TNKS1BP1: variants seen among roughly 807,000 people sequenced by gnomAD.
TNKS1BP1 encodes 182 kDa tankyrase-1-binding protein.
TNKS1BP1 carries 48 observed loss-of-function variants against 141.1 expected under a neutral mutation model. The observed-to-expected ratio is 0.34, with a 90% CI of 0.27 to 0.43. The LOEUF (loss-of-function observed/expected upper bound fraction) is 0.43. TNKS1BP1 is among the 20% of genes least tolerant of loss of function. The pLI is 1.00. For synonymous variants in TNKS1BP1, 875 were observed against 898.2 expected, an observed-to-expected ratio of 0.97 and a Z score of 0.46; for missense variants, 2,149 against 2,226.0, an observed-to-expected ratio of 0.97 and a Z score of 0.70.
chr11:57,310,787 T>C (rs1381961199), intron 5 of TNKS1BP1, among the ~76,000 whole-genome samples: 2 of 152,144 alleles, frequency 1.3e-5, no homozygotes, highest in Non-Finnish European at 2.9e-5. Flanking sequence ...AATGAGATCA[T>C]TTAGACCAAG....
In TNKS1BP1 at chr11:57,313,598, C is replaced by T. The variant is rs932771320; in HGVS notation, c.1090G>A (p.Ala364Thr). Residue 364 changes from alanine to threonine, a missense_variant, in exon 5 of 12, where the codon GCC (alanine) becomes ACC (threonine). Coordinates refer to ENST00000358252, the MANE Select transcript of TNKS1BP1 (RefSeq NM_033396.3). The part of the protein sequence containing the change: ...PGLPAEGAPE[A>T]PRPSSPPPEV... Reference sequence around the variant, plus strand: ...GGGGGTGGGCTGCTGGGTCTGGGGGCCTCTGGAGCCCCCTCGGCAGGGAGC... The same window carrying T: ...GGGGGTGGGCTGCTGGGTCTGGGGGTCTCTGGAGCCCCCTCGGCAGGGAGC... 1.3e-6 allele frequency: 2 copies of T among 1,595,228 alleles called. No homozygotes were observed. Among genetic ancestry groups the T allele is most frequent in the East Asian group, 2.3e-5 (1 of 44,330 alleles).
At chr11:57,323,817 G>GTGGT (rs1330867053) in intron 1 of TNKS1BP1, among the ~76,000 whole-genome samples, 3 of 152,204 alleles carry the variant, frequency 2.0e-5, no homozygotes, top group Non-Finnish European at 1.5e-5. Flanking sequence ...CATAGTGTGG[G>GTGGT]TGGTTGGAGA....
At chr11:57,317,915 A>G (rs1479287162) in intron 3 of TNKS1BP1, 28 bp from the exon 4 acceptor site, 8 of 1,608,094 alleles carry the variant, frequency 5.0e-6, no homozygotes, top group Admixed American at 1.7e-5. Flanking sequence ...AGGAAATGGA[A>G]GCACGGAATG....
chr11:57,314,941 A>G (rs868824747), intron 4 of TNKS1BP1, among the ~76,000 whole-genome samples: 18 of 152,246 alleles, frequency 1.2e-4, no homozygotes, highest in African/African-American at 4.3e-4. Flanking sequence ...CTAATGTCAA[A>G]GCTCGTGCCC....
At position 57,320,512 on chromosome 11, in the gene TNKS1BP1, A is replaced by T; in HGVS notation, c.295T>A (p.Phe99Ile). Reference sequence around the variant, plus strand: ...GCCTCAACCGCAGGCCTTGGTGCAAAGGGAAGGGGGCGCTTGCTGCCACCA... The same window carrying T: ...GCCTCAACCGCAGGCCTTGGTGCAATGGGAAGGGGGCGCTTGCTGCCACCA... ...PYGGSKRPLP[F>I]APRPAVEAST... Residue 99 changes from phenylalanine (F) to isoleucine (I), a missense_variant, in exon 3 of 12, where the codon TTT (phenylalanine) becomes ATT (isoleucine). Phe to Ile is a conservative substitution (Grantham distance 21). Coordinates refer to ENST00000358252, the MANE Select transcript of TNKS1BP1 (RefSeq NM_033396.3). The T allele has an allele frequency of 1.2e-6, 2 of 1,612,420 alleles. No individual in the cohort carries two copies. The highest frequency in any genetic ancestry group is 1.7e-6 in the Non-Finnish European group (2 of 1,178,838).
Position 57,324,896 on chromosome 11 carries a change from G to A in TNKS1BP1, c.-122C>T. On this transcript the variant is annotated 5_prime_UTR_variant, in exon 1 of 12. Coordinates refer to ENST00000358252, the MANE Select transcript of TNKS1BP1 (RefSeq NM_033396.3). ...CGGGGCCCCGATGCCAGTCCCCGCC[G>A]CCGCCGCCGCTGCTACCGCCGCCGC... The A allele has an allele frequency of 1.0e-6, 1 of 981,956 alleles. No individual in the cohort carries two copies. Among genetic ancestry groups the A allele is most frequent in the African/African-American group, 1.8e-5 (1 of 56,534 alleles). The allele number at this position is 981,956 out of a possible 1,614,324, so 60.8% of individuals were successfully genotyped here.
Position 57,312,965 on chromosome 11 carries a change from T to C in TNKS1BP1, c.1723A>G (p.Thr575Ala), listed in dbSNP as rs766270861. ...PAVPLEPLPTTEGTPGLPLQQ... is the reference protein window; with the variant it reads ...PAVPLEPLPTAEGTPGLPLQQ... ...AAAGGTAATCCAGGTGTGCCCTCAG[T>C]TGTAGGCAGGGGCTCAAGGGGAACA... The change falls in exon 5 of 12, where the codon ACT becomes GCT. Residue 575 changes from threonine (T) to alanine (A), a missense_variant. Coordinates refer to ENST00000358252, the MANE Select transcript of TNKS1BP1 (RefSeq NM_033396.3). 34 of 1,613,742 alleles carry C rather than the reference T, an allele frequency of 2.1e-5. No individual in the cohort carries two copies. Among genetic ancestry groups the C allele is most frequent in the Non-Finnish European group, 2.5e-5 (29 of 1,180,004 alleles).
chr11:57,322,052 A>T (rs1238236252), intron 1 of TNKS1BP1, 102 bp from the exon 2 acceptor site: 3 of 551,172 alleles, frequency 5.4e-6, no homozygotes, highest in East Asian at 8.4e-5. Context: ...AGTGTGGGAC[A>T]GGAAGAGAGA....
At chr11:57,320,013 CCCCACCCAAT>C in intron 3 of TNKS1BP1, 56 bp downstream of exon 3, 3 of 1,201,150 alleles carry the variant, frequency 2.5e-6, no homozygotes, top group Non-Finnish European at 3.6e-6. Context: ...GGTCCCCAGC[CCCCACCCAAT>C]CCCACCCCAC....
rs146710446 is a variant in TNKS1BP1, at chr11:57,301,909, T to C, written c.4869A>G (p.Glu1623=). 67 of 1,613,928 alleles carry C rather than the reference T, an allele frequency of 4.2e-5. No individual in the cohort carries two copies. The highest frequency in any genetic ancestry group is 5.3e-5 in the Non-Finnish European group (62 of 1,179,994). The change falls in exon 9 of 12, where the codon GAA becomes GAG. Residue 1623 remains glutamate, a synonymous_variant. Coordinates refer to ENST00000358252, the MANE Select transcript of TNKS1BP1 (RefSeq NM_033396.3). Reference sequence around the variant, plus strand: ...GGCTCTGAGGTTCCTCCACTACCTCTTCATCTGAAGATGGCACCCGAGATG... The same window carrying C: ...GGCTCTGAGGTTCCTCCACTACCTCCTCATCTGAAGATGGCACCCGAGATG... ...PRASRVPSSD[E]EVVEEPQSRR...
intron 3 of TNKS1BP1, 30 bp downstream of exon 3, chr11:57,320,049 C>A (rs201926960): frequency 1.0e-5 from 12 of 1,146,980 alleles, no homozygotes; most frequent in Middle Eastern, 2.3e-4. Flanking sequence ...CTCCAGGCTG[C>A]CACAAAATAT....
intron 4 of TNKS1BP1, among the ~76,000 whole-genome samples, 171 bp downstream of exon 4, chr11:57,317,647 A>G (rs574874584): frequency 6.6e-6 from 1 of 152,254 alleles, no homozygotes; most frequent in Non-Finnish European, 1.5e-5. Context: ...TTGGTGATCA[A>G]GAGCACTGGC....
rs956057014 is a variant in TNKS1BP1, at chr11:57,305,445, T to C, written c.4317-2620A>G. 3.3e-5 allele frequency among the ~76,000 whole-genome samples: 5 copies of C among 152,282 alleles called. No individual in the cohort carries two copies. The South Asian group carries it at 6.2e-4, about 19-fold the overall frequency. On this transcript the variant is annotated intron_variant, in intron 6 of 11. Transcript: ENST00000358252. ...TACACCCTTCACCTGGTCTAAACTT[T>C]AGAGTACCCTGAGGACCAAGACGGT...
intron 6 of TNKS1BP1, among the ~76,000 whole-genome samples, chr11:57,306,621 G>C (rs1005340750): frequency 2.6e-5 from 4 of 152,142 alleles, no homozygotes; most frequent in Non-Finnish European, 5.9e-5. Flanking sequence ...TCTGTTAGGA[G>C]CCACGCTTTC....
chr11:57,317,833 C>T lies in TNKS1BP1; in HGVS notation c.783G>A (p.Ser261=), dbSNP rs780401529. The T allele has an allele frequency of 5.3e-5, 85 of 1,613,874 alleles. 1 individual carries two copies. In the South Asian group the frequency reaches 7.0e-4, roughly 13 times the overall value. ...FNGDLAKAAS[S]ELPADISKPW... is the part of the protein sequence containing the mutation. ...GATAACTCACATCAGCAGGTAGCTC[C>T]GAGCTGGCTGCCTTAGCCAGGTCCC... The change falls in exon 4 of 12, where the codon TCG becomes TCA. Residue 261 remains serine, a synonymous_variant. Coordinates refer to ENST00000358252, the MANE Select transcript of TNKS1BP1 (RefSeq NM_033396.3).
intron 6 of TNKS1BP1, among the ~76,000 whole-genome samples, chr11:57,304,588 T>C (rs1296688780): frequency 1.3e-5 from 2 of 152,050 alleles, no homozygotes; most frequent in African/African-American, 2.4e-5. Flanking sequence ...GCTAAAGAGA[T>C]GTGAAATGCC....
At chr11:57,323,284 T>A (rs183437103) in intron 1 of TNKS1BP1, among the ~76,000 whole-genome samples, 182 of 152,166 alleles carry the variant, frequency 1.2e-3, no homozygotes, top group African/African-American at 3.7e-3. Flanking sequence ...CTGTCACCTG[T>A]TCTTCAGATA....
intron 3 of TNKS1BP1, among the ~76,000 whole-genome samples, chr11:57,318,781 A>C (rs1015382352): frequency 6.6e-6 from 1 of 152,214 alleles, no homozygotes; most frequent in Non-Finnish European, 1.5e-5. Context: ...ACTCTGGAGA[A>C]GCGTATCATA....
At chr11:57,305,033 C>G (rs1281536310) in intron 6 of TNKS1BP1, among the ~76,000 whole-genome samples, 1 of 152,128 alleles carries the variant, frequency 6.6e-6, no homozygotes, top group Non-Finnish European at 1.5e-5. Context: ...CGGACTAAAC[C>G]CCACTCGCCC....
Sources: gnomAD v4.1 joint callset for allele counts (sites outside exome capture counted in the v4.1 genomes callset) on GRCh38, gnomAD v4.1.1 for gene constraint, MANE v1.5 for transcripts, NCBI Gene and HGNC (gene_info 2026-07-23, HGNC 2026-07-21) for gene names.